The following SYK variants were observed in gnomAD, a reference collection of about 807,000 sequenced individuals.
SYK encodes the protein tyrosine-protein kinase SYK.
A neutral mutation model predicts 77.8 loss-of-function variants in SYK; 16 were observed. The ratio of observed to expected loss-of-function variants is 0.21; its 90% confidence interval spans 0.14 to 0.31. SYK has a LOEUF of 0.31. Ranked by LOEUF, SYK falls within the 10% of genes least tolerant of loss-of-function variation. SYK has a pLI of 1.00. For synonymous variants in SYK, 312 were observed against 308.7 expected (o/e 1.01, Z -0.11); for missense variants, 529 against 814.4 (o/e 0.65, Z 4.26).
At position 90,884,996 on chromosome 9, in the gene SYK, C is replaced by G. The variant is rs918932981; in HGVS notation, c.1582-2753C>G. ...ATATATATACCCAACATATATATACCCAACAACATATATATATTTTCAGGA... is the reference window on the plus strand; with the variant it reads ...ATATATATACCCAACATATATATACGCAACAACATATATATATTTTCAGGA... On this transcript the variant is annotated intron_variant, in intron 11 of 13. Transcript: ENST00000375754. Among the ~76,000 whole-genome samples the G allele has an allele frequency of 1.2e-4, 16 of 138,186 alleles. No individual in the cohort carries two copies. The Admixed American group carries it at 1.2e-3, about 10-fold the overall frequency. The allele number at this position is 138,186 out of a possible 152,430, so 90.7% of individuals were successfully genotyped here.
intron 11 of SYK, among the ~76,000 whole-genome samples, chr9:90,879,872 C>A (rs1828082949): frequency 6.6e-6 from 1 of 152,190 alleles, no homozygotes; most frequent in Non-Finnish European, 1.5e-5. Flanking sequence ...TATAACTTGA[C>A]CCCTCTCTGA....
chr9:90,841,191 T>C (rs1420673814), intron 1 of SYK, among the ~76,000 whole-genome samples: 2 of 151,166 alleles, frequency 1.3e-5, no homozygotes, highest in Admixed American at 6.6e-5. Flanking sequence ...GTGTAGTGTG[T>C]AGTATGTGTG....
intron 1 of SYK, among the ~76,000 whole-genome samples, chr9:90,813,485 T>C (rs1825172746): frequency 6.6e-6 from 1 of 152,198 alleles, no homozygotes; most frequent in Admixed American, 6.5e-5. Context: ...AGAGTGGTTG[T>C]CAGAAGCAGA....
At chr9:90,838,384 T>C (rs1412918403) in intron 1 of SYK, among the ~76,000 whole-genome samples, 1 of 152,194 alleles carries the variant, frequency 6.6e-6, no homozygotes, top group Non-Finnish European at 1.5e-5. Flanking sequence ...TATGGAGATG[T>C]GCTGCAGAGA....
intron 7 of SYK, among the ~76,000 whole-genome samples, chr9:90,870,233 T>C (rs1827678406): frequency 6.6e-6 from 1 of 152,252 alleles, no homozygotes; most frequent in African/African-American, 2.4e-5. Context: ...CTGGAATTTC[T>C]TTCTCTGCTG....
At chr9:90,858,911 G>A (rs1412249002) in intron 3 of SYK, among the ~76,000 whole-genome samples, 1 of 152,212 alleles carries the variant, frequency 6.6e-6, no homozygotes, top group Non-Finnish European at 1.5e-5. Context: ...GCTTGGTGGA[G>A]CACAGGAAGA....
intron 1 of SYK, among the ~76,000 whole-genome samples, chr9:90,842,472 G>A (rs1032629739): frequency 1.5e-4 from 23 of 151,628 alleles, no homozygotes; most frequent in African/African-American, 5.6e-4. Context: ...TGTGTGTGGT[G>A]TGTATGTAGT....
chr9:90,836,831 C>T (rs1826103432), intron 1 of SYK, among the ~76,000 whole-genome samples: 1 of 152,124 alleles, frequency 6.6e-6, no homozygotes, highest in Admixed American at 6.5e-5. Context: ...AGCTGAATTG[C>T]TTGATGAGGA....
intron 7 of SYK, among the ~76,000 whole-genome samples, chr9:90,869,264 A>G (rs551769188): frequency 3.0e-4 from 46 of 152,188 alleles, no homozygotes; most frequent in Non-Finnish European, 5.0e-4. Context: ...ATATTGTGAA[A>G]ATACCTTTCT....
chr9:90,874,382 G>A lies in SYK; in HGVS notation c.1003+91G>A, dbSNP rs290227. 370,365 of 1,280,998 alleles carry A rather than the reference G, an allele frequency of 0.29. 58,775 individuals carry two copies. Among genetic ancestry groups the A allele is most frequent in the East Asian group, 0.6 (25,626 of 42,464 alleles). The allele number at this position is 1,280,998 out of a possible 1,614,324, so 79.4% of individuals were successfully genotyped here. On this transcript the variant is annotated intron_variant, in intron 8 of 13. Transcript: ENST00000375754. ...GAGTTGGTTCACGAATCCACACCACGTCCGTGATTGCAATACAGCCACAGT... is the reference window on the plus strand; with the variant it reads ...GAGTTGGTTCACGAATCCACACCACATCCGTGATTGCAATACAGCCACAGT...
intron 3 of SYK, among the ~76,000 whole-genome samples, chr9:90,848,214 G>T (rs7022975): frequency 0.015 from 2,342 of 152,292 alleles, 61 homozygotes; most frequent in African/African-American, 0.054. Flanking sequence ...AGGTTGCCTA[G>T]ACGTTGGTCC....
chr9:90,812,570 C>G (rs1587806615), intron 1 of SYK, among the ~76,000 whole-genome samples: 1 of 152,176 alleles, frequency 6.6e-6, no homozygotes, highest in Non-Finnish European at 1.5e-5. Flanking sequence ...GATTGAGGAC[C>G]ACCATTTGAC....
At chr9:90,884,054 C>T (rs2118920679) in intron 11 of SYK, among the ~76,000 whole-genome samples, 1 of 152,128 alleles carries the variant, frequency 6.6e-6, no homozygotes, top group Middle Eastern at 3.4e-3. Context: ...TCACAGGTGT[C>T]ACTGAGGCTG....
At chr9:90,822,425 A>T (rs538072233) in intron 1 of SYK, among the ~76,000 whole-genome samples, 1 of 152,336 alleles carries the variant, frequency 6.6e-6, no homozygotes, top group African/African-American at 2.4e-5. Context: ...CATCAATGTG[A>T]TATTTCGTTT....
chr9:90,804,588 G>C (rs1487625285), intron 1 of SYK, among the ~76,000 whole-genome samples: 1 of 152,136 alleles, frequency 6.6e-6, no homozygotes, highest in Non-Finnish European at 1.5e-5. Flanking sequence ...ACTGGGTGGA[G>C]AAAACAACAA....
At chr9:90,840,414 C>G (rs919106390) in intron 1 of SYK, among the ~76,000 whole-genome samples, 50 of 152,088 alleles carry the variant, frequency 3.3e-4, no homozygotes, top group Non-Finnish European at 3.8e-4. Context: ...GGGGGAAAAG[C>G]AGGCTGGGGG....
At chr9:90,841,701 T>C (rs1182458850) in intron 1 of SYK, among the ~76,000 whole-genome samples, 1 of 151,622 alleles carries the variant, frequency 6.6e-6, no homozygotes, top group African/African-American at 2.4e-5. Flanking sequence ...GTGTGTAGTA[T>C]GTGTGATGTG....
At position 90,888,556 on chromosome 9, in the gene SYK, A is replaced by G. The variant is rs2054446683; in HGVS notation, c.1764A>G (p.Gly588=). Residue 588 remains glycine (G), a synonymous_variant, in exon 13 of 14, where the codon GGA becomes GGG. Coordinates refer to ENST00000375754, the MANE Select transcript of SYK (RefSeq NM_003177.7). The part of the protein sequence containing the change: ...GSEVTAMLEK[G]ERMGCPAGCP... ...AAGTCACCGCTATGTTAGAGAAAGGAGAGCGGATGGGGTGCCCTGCAGGGT... is the reference window on the plus strand; with the variant it reads ...AAGTCACCGCTATGTTAGAGAAAGGGGAGCGGATGGGGTGCCCTGCAGGGT... 1 of 1,613,100 alleles carries G rather than the reference A, an allele frequency of 6.2e-7. No individual in the cohort carries two copies. The highest frequency in any genetic ancestry group is 8.5e-7 in the Non-Finnish European group (1 of 1,179,722).
intron 3 of SYK, among the ~76,000 whole-genome samples, chr9:90,852,547 A>G (rs1462112576): frequency 6.6e-6 from 1 of 152,190 alleles, no homozygotes; most frequent in Non-Finnish European, 1.5e-5. Context: ...TATTAAGTGT[A>G]TTGTTTTTGG....
Sources: allele counts gnomAD v4.1 joint callset (sites outside exome capture counted in the v4.1 genomes callset), GRCh38; gene constraint gnomAD v4.1.1; transcripts MANE v1.5; gene names NCBI Gene and HGNC (gene_info 2026-07-23, HGNC 2026-07-21).